Variants in DRC3 observed in about 807,000 individuals in gnomAD.
DRC3 encodes dynein regulatory complex subunit 3.
DRC3 carries 45 observed loss-of-function variants against 57.6 expected under a neutral mutation model. The observed-to-expected ratio is 0.78, with a 90% CI of 0.62 to 1.00. The LOEUF (loss-of-function observed/expected upper bound fraction) is 1.00. DRC3 is among the 50% of genes least tolerant of loss of function. The pLI is 0.00. For synonymous variants in DRC3, 257 were observed against 272.3 expected (o/e 0.94, Z 0.55); for missense variants, 655 against 675.2 (o/e 0.97, Z 0.33).
chr17:17,994,027 AG>A (rs1047492378), intron 6 of DRC3: 3 of 389,222 alleles, frequency 7.7e-6, no homozygotes, highest in African/African-American at 6.3e-5. Context: ...CCTGCCCTGG[AG>A]ATGGCCCCGG....
At chr17:17,998,140 G>T (rs142056788) in intron 9 of DRC3, among the ~76,000 whole-genome samples, 286 of 152,338 alleles carry the variant, frequency 1.9e-3, no homozygotes, top group Middle Eastern at 0.017. Context: ...GCAAGCAGAG[G>T]GATCAGTGCC....
rs761876333 is a variant in DRC3, at chr17:17,983,907, C to A, written c.240C>A (p.Ile80=). The A allele has an allele frequency of 6.2e-7, 1 of 1,613,432 alleles. No individual in the cohort carries two copies. Among genetic ancestry groups the A allele is most frequent in the East Asian group, 2.2e-5 (1 of 44,870 alleles). ...TGGACAATAACATCATTGAGAAGAT[C>A]GAGGGCCTGGAGAACCTCGCACACC... ...LQLDNNIIEK[I]EGLENLAHLV... The change falls in exon 4 of 14, where the codon ATC becomes ATA. Residue 80 remains isoleucine, a synonymous_variant. Coordinates refer to ENST00000399187, the MANE Select transcript of DRC3 (RefSeq NM_031294.4).
chr17:17,975,515 A>ACCCCCCCCCC (rs370465380), intron 2 of DRC3, among the ~76,000 whole-genome samples: 9 of 74,266 alleles, frequency 1.2e-4, no homozygotes, highest in Non-Finnish European at 1.8e-4. Flanking sequence ...TGACCTCCCC[A>ACCCCCCCCCC]CCCCCCCCCC....
intron 2 of DRC3, among the ~76,000 whole-genome samples, chr17:17,975,902 A>G (rs536807843): frequency 2.6e-5 from 4 of 152,330 alleles, no homozygotes; most frequent in Admixed American, 2.6e-4. Flanking sequence ...CAGAGGATGC[A>G]TATTTGCAGA....
chr17:17,980,563 A>G lies in DRC3; in HGVS notation c.160+2805A>G, dbSNP rs145241315. On this transcript the variant is annotated intron_variant, in intron 3 of 13. Transcript: ENST00000399187. The stretch of plus-strand genomic sequence containing the variant: ...GCCTGCCTCAGGCTCCCAAAGTGCT[A>G]GGATTATAGGTATGAGCCACTGCGC... Among the ~76,000 whole-genome samples the G allele has an allele frequency of 2.1e-5, 3 of 144,878 alleles. No individual in the cohort carries two copies. In the Admixed American group the frequency reaches 2.1e-4, roughly 10 times the overall value.
At chr17:18,005,295 A>G (rs1568529794) in intron 10 of DRC3, 2 of 152,340 alleles carry the variant, frequency 1.3e-5, no homozygotes, top group East Asian at 3.9e-4. Context: ...CACAAGCGCA[A>G]TCATGCTTTT....
intron 12 of DRC3, chr17:18,011,637 T>A (rs1299260745): frequency 5.3e-6 from 1 of 188,430 alleles, no homozygotes; most frequent in Non-Finnish European, 1.1e-5. Context: ...GGAGCTGCAG[T>A]GCCACCCTGG....
chr17:17,997,383 A>G, intron 8 of DRC3, 77 bp from the exon 9 acceptor site: 1 of 1,413,432 alleles, frequency 7.1e-7, no homozygotes, highest in Non-Finnish European at 9.8e-7. Context: ...GCACTGTGCC[A>G]GGGTTACCAA....
chr17:18,007,218 TGTGA>T (rs2044011158), intron 12 of DRC3, 71 bp downstream of exon 12: 2 of 112,912 alleles, frequency 1.8e-5, no homozygotes, highest in African/African-American at 2.4e-4. Flanking sequence ...ACTGAGGCTC[TGTGA>T]GTAAGCCTGA....
intron 9 of DRC3, among the ~76,000 whole-genome samples, chr17:18,004,049 G>T (rs1412161014): frequency 6.6e-6 from 1 of 152,052 alleles, no homozygotes; most frequent in Non-Finnish European, 1.5e-5. Context: ...CTTCTACCCT[G>T]CCTACCAGCC....
At chr17:18,006,750 C>T in intron 11 of DRC3, 1 of 433,930 alleles carries the variant, frequency 2.3e-6, no homozygotes, top group South Asian at 2.3e-5. Context: ...GTGCCAAATG[C>T]ACAGGGTGAG....
At chr17:17,985,989 ATAAC>A (rs2042938694) in intron 4 of DRC3, among the ~76,000 whole-genome samples, 1 of 151,726 alleles carries the variant, frequency 6.6e-6, no homozygotes, top group Non-Finnish European at 1.5e-5. Context: ...TCAGCTCACT[ATAAC>A]CTCTGCCTCC....
rs150096915 is a variant in DRC3 at position 17,984,538 on chromosome 17, G to A, written c.277+594G>A. ...TCTTAGGAGCATCCTCACATCTGGT[G>A]AGGGGCAATGGGTCCCTAGCAGGGA... is the stretch of plus-strand genomic sequence containing the variant. On this transcript the variant is annotated intron_variant, in intron 4 of 13. Coordinates refer to ENST00000399187, the MANE Select transcript of DRC3 (RefSeq NM_031294.4). Among the ~76,000 whole-genome samples the A allele has an allele frequency of 2.7e-3, 416 of 152,284 alleles. 2 individuals are homozygous for A. The highest frequency in any genetic ancestry group is 9.6e-3 in the African/African-American group (398 of 41,536).
Position 17,977,573 on chromosome 17 carries a change from G to GT in DRC3, c.-17-3dup. ...GCAGGCCGTGAAGGAAGAATGCGGT[G>GT]TTTTTTAGGGAAAACGTGGGGGAAG... On this transcript the variant is annotated splice_polypyrimidine_tract_variant and intron_variant, in intron 2 of 13. Transcript: ENST00000399187. The GT allele has an allele frequency of 6.2e-7, 1 of 1,613,794 alleles. No homozygotes were observed. Among genetic ancestry groups the GT allele is most frequent in the Non-Finnish European group, 8.5e-7 (1 of 1,179,804 alleles).
intron 8 of DRC3, chr17:17,995,751 C>A (rs979249550): frequency 6.6e-6 from 1 of 152,354 alleles, no homozygotes; most frequent in Non-Finnish European, 1.5e-5. Flanking sequence ...CTAAGGCATC[C>A]AGTCACAGGT....
In DRC3 at chr17:17,994,205, C is replaced by T. The variant is rs889282874; in HGVS notation, c.592-94C>T. On this transcript the variant is annotated intron_variant, in intron 6 of 13. Transcript: ENST00000399187. ...CCCCTGTGCAACACCCCTGCCCATGCGCGGGAGGCTGCAGCATGGCAGAGG... is the reference window on the plus strand; with the variant it reads ...CCCCTGTGCAACACCCCTGCCCATGTGCGGGAGGCTGCAGCATGGCAGAGG... The T allele has an allele frequency of 3.4e-6, 5 of 1,483,830 alleles. No individual in the cohort carries two copies. The African/African-American group carries it at 4.4e-5, about 13-fold the overall frequency. 91.9% of individuals were successfully genotyped at this position (1,483,830 alleles called of 1,614,324 possible). A position where few individuals can be genotyped will look rare whatever the true frequency, so the allele number is the denominator to read the frequency against.
intron 4 of DRC3, among the ~76,000 whole-genome samples, chr17:17,985,859 A>G (rs2042933151): frequency 1.3e-5 from 2 of 152,120 alleles, no homozygotes; most frequent in African/African-American, 2.4e-5. Context: ...CCCCCATTCA[A>G]ACCCCAGCTT....
At chr17:17,976,141 C>T (rs1005271760) in intron 2 of DRC3, among the ~76,000 whole-genome samples, 20 of 152,166 alleles carry the variant, frequency 1.3e-4, no homozygotes, top group African/African-American at 3.9e-4. Context: ...CAGGGAGGCC[C>T]AGATGCTGGG....
intron 6 of DRC3, 128 bp downstream of exon 6, chr17:17,993,039 C>T (rs1273306311): frequency 1.1e-6 from 1 of 942,426 alleles, no homozygotes; most frequent in East Asian, 2.6e-5. Flanking sequence ...GCAGCTCCCT[C>T]TTCCTAATCC....
Sources: gnomAD v4.1 joint callset for allele counts (sites outside exome capture counted in the v4.1 genomes callset) on GRCh38, gnomAD v4.1.1 for gene constraint, MANE v1.5 for transcripts, NCBI Gene and HGNC (gene_info 2026-07-23, HGNC 2026-07-21) for gene names.